SAMD5: variants seen among roughly 807,000 people sequenced by gnomAD.
The protein encoded by SAMD5 is sterile alpha motif domain containing 5.
SAMD5 carries 13 observed loss-of-function variants against 11.3 expected under a neutral mutation model. The observed-to-expected ratio is 1.15, with a 90% CI of 0.75 to 1.83. The LOEUF (loss-of-function observed/expected upper bound fraction) is 1.83. SAMD5 is among the 40% of genes most tolerant of loss of function. SAMD5 has a pLI of 0.00. For missense variants in SAMD5, 255 were observed against 239.1 expected, an observed-to-expected ratio of 1.07 and a Z score of -0.44; for synonymous variants, 129 against 111.3, an observed-to-expected ratio of 1.16 and a Z score of -1.00.
At chr6:147,800,799 A>G in the SAMD5 span, among the ~76,000 whole-genome samples, 64 of 152,226 alleles carry the variant, frequency 4.2e-4, no homozygotes, top group Non-Finnish European at 8.4e-4. Context: ...TTTAGAACCT[A>G]TTAATGGGAA....
the SAMD5 span, among the ~76,000 whole-genome samples, chr6:147,817,628 T>G: frequency 2.6e-5 from 4 of 152,352 alleles, no homozygotes; most frequent in African/African-American, 9.6e-5. Context: ...GTAAAAAAGA[T>G]GCAACCCAGA....
the SAMD5 span, among the ~76,000 whole-genome samples, chr6:147,829,455 A>G: frequency 6.6e-6 from 1 of 152,172 alleles, no homozygotes; most frequent in Non-Finnish European, 1.5e-5. Flanking sequence ...TCAACCTACC[A>G]AGGGGAGAGG....
At chr6:147,669,420 C>CTTT (rs55877273) in intron 1 of SAMD5, among the ~76,000 whole-genome samples, 1,633 of 74,206 alleles carry the variant, frequency 0.022, no homozygotes, top group African/African-American at 0.037. Context: ...AGCTCCACTT[C>CTTT]TTTTTTTTTT....
rs569822716 is a variant in SAMD5 at position 147,672,809 on chromosome 6, T to TC, written c.163-64505dup. Among the ~76,000 whole-genome samples the TC allele has an allele frequency of 1.1e-4, 16 of 152,286 alleles. No individual in the cohort carries two copies. The South Asian group carries it at 3.3e-3, about 32-fold the overall frequency. On this transcript the variant is annotated intron_variant, in intron 1 of 1. Coordinates refer to the SAMD5 transcript ENST00000566741. ...TAGGTGAAGATTTACTTTTTAAAAA[T>TC]CCCTCTCTTTTGCTCCTTAAGTTCC... is the stretch of plus-strand genomic sequence containing the variant.
intron 1 of SAMD5, among the ~76,000 whole-genome samples, chr6:147,687,704 ATGT>A (rs2128456761): frequency 6.6e-6 from 1 of 152,210 alleles, no homozygotes; most frequent in African/African-American, 2.4e-5. Flanking sequence ...TTTATGAAGG[ATGT>A]TGTTACACCT....
chr6:147,617,852 C>A (rs999389947), intron 1 of SAMD5, among the ~76,000 whole-genome samples: 1 of 152,160 alleles, frequency 6.6e-6, no homozygotes, highest in African/African-American at 2.4e-5. Flanking sequence ...TAACTACCAC[C>A]CAGGTTTGTA....
chr6:147,559,430 G>A (rs943433821), intron 1 of SAMD5, among the ~76,000 whole-genome samples: 26 of 152,290 alleles, frequency 1.7e-4, no homozygotes, highest in Middle Eastern at 3.4e-3. Context: ...GTAGGAAAAT[G>A]TCCAGCCAGC....
At chr6:147,824,511 C>G in the SAMD5 span, among the ~76,000 whole-genome samples, 1 of 152,076 alleles carries the variant, frequency 6.6e-6, no homozygotes, top group Non-Finnish European at 1.5e-5. Flanking sequence ...AGGTCCTCAG[C>G]GCTCCTTGAT....
the SAMD5 span, among the ~76,000 whole-genome samples, chr6:147,843,034 A>G: frequency 6.6e-6 from 1 of 152,056 alleles, no homozygotes; most frequent in Admixed American, 6.6e-5. Context: ...TAATTGTTGT[A>G]TTTTTAGTAG....
At chr6:147,918,106 A>G in the SAMD5 span, among the ~76,000 whole-genome samples, 4 of 152,140 alleles carry the variant, frequency 2.6e-5, no homozygotes, top group African/African-American at 9.7e-5. Context: ...AAAGTCATTG[A>G]TAGCTTGATG....
At chr6:147,789,023 G>A in the SAMD5 span, among the ~76,000 whole-genome samples, 1 of 151,592 alleles carries the variant, frequency 6.6e-6, no homozygotes, top group Non-Finnish European at 1.5e-5. Flanking sequence ...GGTGGAGCTT[G>A]CAGTGAGCCC....
chr6:147,541,509 C>T (rs891407339), intron 1 of SAMD5, among the ~76,000 whole-genome samples: 10 of 152,118 alleles, frequency 6.6e-5, no homozygotes, highest in Non-Finnish European at 1.5e-4. Flanking sequence ...GACCTCCAAA[C>T]GGTAATTCAC....
chr6:147,606,159 G>C (rs1422330343), intron 1 of SAMD5, among the ~76,000 whole-genome samples: 1 of 152,096 alleles, frequency 6.6e-6, no homozygotes, highest in Non-Finnish European at 1.5e-5. Flanking sequence ...GGGGATTCCT[G>C]CCCAGCCCAG....
chr6:147,881,863 T>TG, the SAMD5 span, among the ~76,000 whole-genome samples: 4 of 152,160 alleles, frequency 2.6e-5, no homozygotes, highest in African/African-American at 9.7e-5. Flanking sequence ...GGCTTCGATC[T>TG]GGGGGGATCG....
the SAMD5 span, among the ~76,000 whole-genome samples, chr6:147,800,541 G>A: frequency 1.3e-5 from 2 of 152,210 alleles, no homozygotes; most frequent in Admixed American, 6.5e-5. Flanking sequence ...TGCCCTGCCC[G>A]CAGAGGTGGA....
At chr6:147,914,954 A>G in the SAMD5 span, among the ~76,000 whole-genome samples, 1 of 152,334 alleles carries the variant, frequency 6.6e-6, no homozygotes, top group South Asian at 2.1e-4. Context: ...TTTACATATC[A>G]TAAAAGGCAA....
chr6:147,943,929 G>A, the SAMD5 span, among the ~76,000 whole-genome samples: 1 of 152,080 alleles, frequency 6.6e-6, no homozygotes, highest in African/African-American at 2.4e-5. Flanking sequence ...CTGATTGCTG[G>A]GAGGCTGTGA....
intron 1 of SAMD5, among the ~76,000 whole-genome samples, chr6:147,561,400 A>T (rs1441624790): frequency 6.6e-6 from 1 of 152,038 alleles, no homozygotes; most frequent in Non-Finnish European, 1.5e-5. Flanking sequence ...TTTGGCCAGG[A>T]TGGTCTCGAT....
chr6:147,883,183 C>A, the SAMD5 span, among the ~76,000 whole-genome samples: 19 of 152,180 alleles, frequency 1.2e-4, no homozygotes, highest in Non-Finnish European at 4.4e-5. Flanking sequence ...GTAGTAGGCA[C>A]GCTTGTGTAT....
Sources: allele counts gnomAD v4.1 joint callset (sites outside exome capture counted in the v4.1 genomes callset), GRCh38; gene constraint gnomAD v4.1.1; transcripts MANE v1.5; gene names NCBI Gene and HGNC (gene_info 2026-07-23, HGNC 2026-07-21).